Variants in PRKACB observed in about 807,000 individuals in gnomAD.
PRKACB encodes the protein protein kinase cAMP-activated catalytic subunit beta, also known as cAMP-dependent protein kinase catalytic subunit beta.
A neutral mutation model predicts 51.4 loss-of-function variants in PRKACB; 16 were observed. That is an observed-to-expected ratio of 0.31 (90% CI 0.21 to 0.47). The LOEUF is 0.47. PRKACB is among the 20% of genes least tolerant of loss of function. The pLI is 1.00. For synonymous variants in PRKACB, 147 were observed against 154.4 expected (o/e 0.95, Z 0.35); for missense variants, 309 against 464.5 (o/e 0.67, Z 3.08).
chr1:84,125,202 G>T (rs774043773), intron 1 of PRKACB, among the ~76,000 whole-genome samples: 13 of 152,218 alleles, frequency 8.5e-5, no homozygotes, highest in Middle Eastern at 3.4e-3. Flanking sequence ...TAGGACTAGG[G>T]TCTCTGTTTC....
chr1:84,132,568 T>G (rs755452320), intron 1 of PRKACB, among the ~76,000 whole-genome samples: 23 of 152,096 alleles, frequency 1.5e-4, no homozygotes, highest in African/African-American at 5.1e-4. Context: ...GTTACAGATA[T>G]GCGAATTATC....
rs554358475 is a variant in PRKACB, at chr1:84,118,394, C to G, written c.46+40023C>G. On this transcript the variant is annotated intron_variant, in intron 1 of 8. Transcript: ENST00000370688. Reference sequence around the variant, plus strand: ...TAGTCAGCCATCTTGTACCAAAATCCCATTATTTGTAATTTTCTAAATAGA... The same window carrying G: ...TAGTCAGCCATCTTGTACCAAAATCGCATTATTTGTAATTTTCTAAATAGA... Among the ~76,000 whole-genome samples, 17 of 152,038 alleles carry G rather than the reference C, an allele frequency of 1.1e-4. No individual in the cohort carries two copies. The East Asian group carries it at 3.3e-3, about 29-fold the overall frequency.
At chr1:84,231,390 GT>G (rs1459448973) in intron 9 of PRKACB, among the ~76,000 whole-genome samples, 1 of 151,420 alleles carries the variant, frequency 6.6e-6, no homozygotes, top group African/African-American at 2.4e-5. Context: ...CTCTTTTTTG[GT>G]TGTGTCTCTG....
intron 1 of PRKACB, among the ~76,000 whole-genome samples, chr1:84,087,662 T>G (rs1404634000): frequency 6.6e-6 from 1 of 152,140 alleles, no homozygotes; most frequent in Non-Finnish European, 1.5e-5. Flanking sequence ...ACTGCAGGTG[T>G]GTACCATCGA....
At chr1:84,197,690 G>T (rs985057654) in intron 6 of PRKACB, 39 bp from the exon 7 acceptor site, 6 of 1,332,772 alleles carry the variant, frequency 4.5e-6, no homozygotes, top group African/African-American at 2.9e-5. Flanking sequence ...TTATTGTGAG[G>T]TAATACATTT....
intron 1 of PRKACB, among the ~76,000 whole-genome samples, chr1:84,132,711 T>TA (rs1219326051): frequency 6.6e-6 from 1 of 151,920 alleles, no homozygotes; most frequent in Non-Finnish European, 1.5e-5. Flanking sequence ...ATGCTAGGCA[T>TA]AAAAAACACT....
At chr1:84,135,778 AT>A (rs1355718164) in intron 1 of PRKACB, among the ~76,000 whole-genome samples, 6 of 152,106 alleles carry the variant, frequency 3.9e-5, no homozygotes, top group African/African-American at 1.4e-4. Flanking sequence ...CTTAGGGGAA[AT>A]TTATAGCCTT....
At chr1:84,099,520 C>A (rs1335011619) in intron 1 of PRKACB, among the ~76,000 whole-genome samples, 1 of 151,784 alleles carries the variant, frequency 6.6e-6, no homozygotes, top group Non-Finnish European at 1.5e-5. Context: ...ATAAATATAT[C>A]TAATTGAGAA....
At chr1:84,078,388 G>A (rs1448746846) in intron 1 of PRKACB, 2 of 1,610,260 alleles carry the variant, frequency 1.2e-6, no homozygotes, top group East Asian at 2.2e-5. Context: ...TGAAGGCCGG[G>A]TCTGGGTATC....
rs1331897372 is a variant in PRKACB, at chr1:84,196,658, A to G, written c.603A>G (p.Thr201=). ...ARFYAAQIVL[T]FEYLHSLDLI... ...TCTATGCAGCTCAGATAGTGCTAAC[A>G]TTCGAGTACCTCCATTCACTAGACC... Residue 201 remains threonine (T), a synonymous_variant, in exon 6 of 10, where the codon ACA becomes ACG. Coordinates refer to ENST00000370685, the MANE Select transcript of PRKACB (RefSeq NM_182948.4). The G allele has an allele frequency of 8.1e-6, 13 of 1,613,590 alleles. No individual in the cohort carries two copies. Among genetic ancestry groups the G allele is most frequent in the Non-Finnish European group, 1.1e-5 (13 of 1,179,712 alleles).
intron 1 of PRKACB, among the ~76,000 whole-genome samples, chr1:84,094,991 A>C (rs1468727304): frequency 6.6e-6 from 1 of 151,982 alleles, no homozygotes; most frequent in Admixed American, 6.6e-5. Context: ...TACAGAATTC[A>C]GTTAGTAACA....
At chr1:84,232,971 T>G (rs1252384543) in intron 9 of PRKACB, among the ~76,000 whole-genome samples, 2 of 152,078 alleles carry the variant, frequency 1.3e-5, no homozygotes, top group Non-Finnish European at 2.9e-5. Flanking sequence ...GTTAGCTTGT[T>G]ATTTTGCTCG....
chr1:84,106,521 G>A (rs1649763013), intron 1 of PRKACB, among the ~76,000 whole-genome samples: 1 of 152,088 alleles, frequency 6.6e-6, no homozygotes, highest in Admixed American at 6.6e-5. Context: ...CACAAAAAAG[G>A]TTAAAATAGC....
intron 9 of PRKACB, among the ~76,000 whole-genome samples, chr1:84,217,306 AGT>A (rs1233783861): frequency 1.3e-5 from 2 of 152,278 alleles, no homozygotes; most frequent in East Asian, 3.9e-4. Flanking sequence ...AATAGAACCT[AGT>A]ATTTGATATA....
At chr1:84,137,498 C>T (rs74887680) in intron 1 of PRKACB, among the ~76,000 whole-genome samples, 2,578 of 152,086 alleles carry the variant, frequency 0.017, 80 homozygotes, top group African/African-American at 0.058. Context: ...TCTTAATGTA[C>T]GCAAACTTTA....
chr1:84,112,171 C>T (rs1156478534), intron 1 of PRKACB, among the ~76,000 whole-genome samples: 1 of 150,752 alleles, frequency 6.6e-6, no homozygotes, highest in Non-Finnish European at 1.5e-5. Context: ...TTGCCATTAG[C>T]ATTGGAGGCA....
intron 1 of PRKACB, among the ~76,000 whole-genome samples, chr1:84,097,600 C>T (rs541187722): frequency 6.4e-4 from 97 of 151,962 alleles, no homozygotes; most frequent in African/African-American, 2.3e-3. Flanking sequence ...ATTATGGAGG[C>T]TGATAAGTCA....
At chr1:84,085,940 G>C in intron 1 of PRKACB, 1 of 690,060 alleles carries the variant, frequency 1.4e-6, no homozygotes, top group Non-Finnish European at 2.7e-6. Flanking sequence ...ATCCAGGATG[G>C]ACCTGACTTT....
chr1:84,208,434 A>G (rs1031171432), intron 8 of PRKACB, among the ~76,000 whole-genome samples: 3 of 152,216 alleles, frequency 2.0e-5, no homozygotes, highest in African/African-American at 7.2e-5. Flanking sequence ...GTGTCTTTAT[A>G]AAACAAATTT....
Sources: allele counts gnomAD v4.1 joint callset (sites outside exome capture counted in the v4.1 genomes callset), GRCh38; gene constraint gnomAD v4.1.1; transcripts MANE v1.5; gene names NCBI Gene and HGNC (gene_info 2026-07-23, HGNC 2026-07-21).